TSG101: variants seen among roughly 807,000 people sequenced by gnomAD.
The protein encoded by TSG101 is tumor susceptibility 101.
In TSG101, 19 loss-of-function variants were observed where a neutral mutation model predicts 48.5. The observed-to-expected ratio is 0.39, with a 90% CI of 0.27 to 0.58. The LOEUF is 0.58. TSG101 is among the 20% of genes least tolerant of loss of function. TSG101 has a pLI of 0.55. For missense variants in TSG101, 365 were observed against 484.4 expected, an observed-to-expected ratio of 0.75 and a Z score of 2.31; for synonymous variants, 174 against 169.4, an observed-to-expected ratio of 1.03 and a Z score of -0.21.
At chr11:18,501,630 T>C (rs1849890960) in intron 7 of TSG101, among the ~76,000 whole-genome samples, 1 of 152,232 alleles carries the variant, frequency 6.6e-6, no homozygotes, top group Non-Finnish European at 1.5e-5. Flanking sequence ...TTATGATAGC[T>C]TTTTCTATTT....
chr11:18,483,705 A>G (rs1849579934), intron 8 of TSG101, 165 bp downstream of exon 8: 1 of 706,318 alleles, frequency 1.4e-6, no homozygotes, highest in Non-Finnish European at 2.3e-6. Context: ...TGCCAAACAT[A>G]GGCTCCACTG....
At chr11:18,492,530 T>C (rs1849713401) in intron 7 of TSG101, among the ~76,000 whole-genome samples, 1 of 152,188 alleles carries the variant, frequency 6.6e-6, no homozygotes. Context: ...CTTTATAGAA[T>C]ATGTTCAGGC....
At position 18,526,933 on chromosome 11, in the gene TSG101, GCAC is replaced by G. The variant is rs1850388929; in HGVS notation, c.-120_-118del. The G allele has an allele frequency of 8.9e-7, 1 of 1,125,100 alleles. No homozygotes were observed. Among genetic ancestry groups the G allele is most frequent in the African/African-American group, 1.5e-5 (1 of 64,634 alleles). 69.7% of individuals were successfully genotyped at this position (1,125,100 alleles called of 1,614,324 possible). On this transcript the variant is annotated 5_prime_UTR_variant, in exon 1 of 10. Transcript: ENST00000251968. ...CCCGGCCTCAAACAACAGGAAGTCG[GCAC>G]CACTACACCACTTCCGCTTCCACTA...
intron 7 of TSG101, among the ~76,000 whole-genome samples, chr11:18,492,875 G>A (rs751586696): frequency 6.6e-6 from 1 of 151,560 alleles, no homozygotes; most frequent in Non-Finnish European, 1.5e-5. Context: ...TTCAAAATTC[G>A]ATGAACCATG....
chr11:18,497,447 G>C (rs1332473895), intron 7 of TSG101, among the ~76,000 whole-genome samples: 1 of 152,080 alleles, frequency 6.6e-6, no homozygotes, highest in African/African-American at 2.4e-5. Flanking sequence ...AATATTAGTT[G>C]ATTTGATTAC....
chr11:18,509,529 C>A lies in TSG101; in HGVS notation c.481+13G>T. The A allele has an allele frequency of 6.2e-7, 1 of 1,609,070 alleles. No individual in the cohort carries two copies. Among genetic ancestry groups the A allele is most frequent in the Non-Finnish European group, 8.5e-7 (1 of 1,178,344 alleles). ...TTATATGAGTTTTAAAGTAAAATCT[C>A]AATTCTACTTACTATTTGGTGGCCC... On this transcript the variant is annotated intron_variant, in intron 5 of 9. Coordinates refer to ENST00000251968, the MANE Select transcript of TSG101 (RefSeq NM_006292.4).
At chr11:18,514,409 C>A (rs1256597518) in intron 4 of TSG101, among the ~76,000 whole-genome samples, 1 of 152,196 alleles carries the variant, frequency 6.6e-6, no homozygotes, top group African/African-American at 2.4e-5. Flanking sequence ...TTAAAATGCA[C>A]TTCCCACTAT....
Position 18,509,635 on chromosome 11 carries a change from C to T in TSG101, c.388G>A (p.Val130Ile), listed in dbSNP as rs775586204. ...TCATCTCCAAATACCACAATCATGACCTGAATAAGCCCCAACAAGTCTGAC... is the reference window on the plus strand; with the variant it reads ...TCATCTCCAAATACCACAATCATGATCTGAATAAGCCCCAACAAGTCTGAC... ...PQSDLLGLIQ[V>I]MIVVFGDEPP... Residue 130 changes from valine (V) to isoleucine (I), a missense_variant, in exon 5 of 10, where the codon GTC becomes ATC. Coordinates refer to ENST00000251968, the MANE Select transcript of TSG101 (RefSeq NM_006292.4). 1.2e-6 allele frequency: 2 copies of T among 1,611,944 alleles called. No individual in the cohort carries two copies. Among genetic ancestry groups the T allele is most frequent in the Middle Eastern group, 1.7e-4 (1 of 6,056 alleles).
chr11:18,514,759 A>G lies in TSG101; in HGVS notation c.276T>C (p.Thr92=), dbSNP rs778604781. The stretch of plus-strand genomic sequence containing the variant: ...TTCCTGTTTTAATAGTCATTGAACT[A>G]GTAGGCTTAACAAAACAGATAGGGG... ...YNPPICFVKP[T]SSMTIKTGKH... is the part of the protein sequence containing the mutation. The change falls in exon 4 of 10, where the codon ACT becomes ACC. Residue 92 remains threonine (T), a synonymous_variant. Coordinates refer to ENST00000251968, the MANE Select transcript of TSG101 (RefSeq NM_006292.4). 7 of 1,598,402 alleles carry G rather than the reference A, an allele frequency of 4.4e-6. No homozygotes were observed. In the South Asian group the frequency reaches 8.0e-5, roughly 18 times the overall value.
At position 18,497,431 on chromosome 11, in the gene TSG101, G is replaced by C. The variant is rs144816008; in HGVS notation, c.640+5055C>G. ...CTAAGACAGTACTCTTGAAAATGTA[G>C]AGTAAAATATTAGTTGATTTGATTA... On this transcript the variant is annotated intron_variant, in intron 7 of 9. Transcript: ENST00000251968. 5.9e-3 allele frequency among the ~76,000 whole-genome samples: 899 copies of C among 152,212 alleles called. 9 individuals are homozygous for C. Among genetic ancestry groups the C allele is most frequent in the African/African-American group, 0.021 (867 of 41,548 alleles).
At chr11:18,485,949 C>T (rs944576079) in intron 7 of TSG101, among the ~76,000 whole-genome samples, 3 of 152,202 alleles carry the variant, frequency 2.0e-5, no homozygotes, top group African/African-American at 7.2e-5. Flanking sequence ...AACTTCTATT[C>T]CTGTTTGCCC....
chr11:18,523,994 T>C (rs759020495), intron 1 of TSG101, among the ~76,000 whole-genome samples: 4 of 152,126 alleles, frequency 2.6e-5, no homozygotes, highest in African/African-American at 4.8e-5. Flanking sequence ...TCTAGCTATG[T>C]TGCCCAGGCT....
intron 1 of TSG101, among the ~76,000 whole-genome samples, chr11:18,525,072 C>T (rs927525716): frequency 1.4e-4 from 21 of 151,722 alleles, no homozygotes; most frequent in African/African-American, 4.8e-4. Context: ...CCATCATGCC[C>T]GGCTAATTTT....
intron 4 of TSG101, among the ~76,000 whole-genome samples, chr11:18,511,965 CAATT>C (rs140204844): frequency 0.096 from 14,545 of 152,094 alleles, 717 homozygotes; most frequent in South Asian, 0.13. Context: ...TAGTATGAAT[CAATT>C]CTTCATTCAT....
chr11:18,483,231 A>G (rs1404474107), intron 8 of TSG101, among the ~76,000 whole-genome samples: 2 of 151,910 alleles, frequency 1.3e-5, no homozygotes, highest in East Asian at 1.9e-4. Context: ...ACAGTGGCTC[A>G]CTCCTGTAAT....
chr11:18,502,972 G>C (rs1451601666), intron 6 of TSG101, among the ~76,000 whole-genome samples: 1 of 152,144 alleles, frequency 6.6e-6, no homozygotes, highest in Non-Finnish European at 1.5e-5. Context: ...AACCTTTGGG[G>C]ATATTTAACC....
chr11:18,483,661 C>A (rs1849579339), intron 8 of TSG101, among the ~76,000 whole-genome samples: 1 of 152,056 alleles, frequency 6.6e-6, no homozygotes, highest in Non-Finnish European at 1.5e-5. Flanking sequence ...ACAAAATGGT[C>A]TAAATATTAT....
In TSG101 at chr11:18,504,982, C is replaced by T. The variant is rs546019608; in HGVS notation, c.548+1875G>A. 1.1e-3 allele frequency among the ~76,000 whole-genome samples: 167 copies of T among 152,262 alleles called. 1 individual carries two copies. The highest frequency in any genetic ancestry group is 3.4e-3 in the Middle Eastern group (1 of 294). On this transcript the variant is annotated intron_variant, in intron 6 of 9. Transcript: ENST00000251968. Reference sequence around the variant, plus strand: ...CAAATGTTCTTCTAATCTCTGCTTACCTATCCAAAGTGACAGAATGCTTAT... The same window carrying T: ...CAAATGTTCTTCTAATCTCTGCTTATCTATCCAAAGTGACAGAATGCTTAT...
At position 18,521,373 on chromosome 11, in the gene TSG101, T is replaced by C. The variant is rs998259067; in HGVS notation, c.43-1770A>G. Among the ~76,000 whole-genome samples the C allele has an allele frequency of 1.4e-3, 202 of 140,584 alleles. 2 individuals are homozygous for C. Among genetic ancestry groups the C allele is most frequent in the African/African-American group, 4.9e-3 (184 of 37,488 alleles). 92.2% of individuals were successfully genotyped at this position (140,584 alleles called of 152,430 possible). ...CAAACTGATTCCTTTTTTTTTTTTT[T>C]TTTTTTTTTTTTTGAGATAGGGTCT... On this transcript the variant is annotated intron_variant, in intron 1 of 9. Coordinates refer to ENST00000251968, the MANE Select transcript of TSG101 (RefSeq NM_006292.4).
Sources: gnomAD v4.1 joint callset for allele counts (sites outside exome capture counted in the v4.1 genomes callset) on GRCh38, gnomAD v4.1.1 for gene constraint, MANE v1.5 for transcripts, NCBI Gene and HGNC (gene_info 2026-07-23, HGNC 2026-07-21) for gene names.